The following MYO7B variants were observed in gnomAD, a reference collection of about 807,000 sequenced individuals.
MYO7B encodes the protein unconventional myosin-VIIb.
Under a neutral mutation model 259.7 loss-of-function variants are expected in MYO7B, and 212 were observed. The ratio of observed to expected loss-of-function variants is 0.82; its 90% confidence interval spans 0.73 to 0.91. The LOEUF is 0.91. Among genes scored for constraint, MYO7B ranks in the 40% least tolerant of loss-of-function variants. The pLI is 0.00. For synonymous variants in MYO7B, 1,197 were observed against 1,166.4 expected, an observed-to-expected ratio of 1.03 and a Z score of -0.54; for missense variants, 2,732 against 2,813.5, an observed-to-expected ratio of 0.97 and a Z score of 0.66.
At position 127,607,199 on chromosome 2, in the gene MYO7B, T is replaced by A; in HGVS notation, c.2425-7T>A. 1 of 1,545,050 alleles carries A rather than the reference T, an allele frequency of 6.5e-7. No homozygotes were observed. The highest frequency in any genetic ancestry group is 1.2e-5 in the South Asian group (1 of 83,764). On this transcript the variant is annotated splice_polypyrimidine_tract_variant and splice_region_variant and intron_variant, in intron 20 of 47. Transcript: ENST00000409816. This position sits in a 1 kb window ranked among gnomAD's most constrained non-coding sequence, Gnocchi z 4.4. ...CCCCTGATCTCACCTCTCTCTTGCC[T>A]CCGCAGATCCTCGTGGGCTTTGAGC... is the stretch of plus-strand genomic sequence containing the variant.
In MYO7B at chr2:127,614,050, G is replaced by A. The variant is rs964199010; in HGVS notation, c.3398+1447G>A. Among the ~76,000 whole-genome samples, 1 of 152,168 alleles carries A rather than the reference G, an allele frequency of 6.6e-6. No individual in the cohort carries two copies. The highest frequency in any genetic ancestry group is 2.4e-5 in the African/African-American group (1 of 41,438). ...TTTAGCTGCCTGCATGACACTAGCT[G>A]GGCAAGTCTTCTGACTTAGCTGGTT... On this transcript the variant is annotated intron_variant, in intron 26 of 47. Coordinates refer to ENST00000409816, the MANE Select transcript of MYO7B (RefSeq NM_001393586.1). The surrounding 1 kb of genome is among the most constrained non-coding windows in gnomAD (Gnocchi z 4.6).
chr2:127,609,495 AAT>A lies in MYO7B; in HGVS notation c.2815-10_2815-9del. On this transcript the variant is annotated splice_polypyrimidine_tract_variant and intron_variant, in intron 22 of 47. Transcript: ENST00000409816. The surrounding 1 kb of genome is among the most constrained non-coding windows in gnomAD (Gnocchi z 6.9). ...GCCCTGCTGACCCGTGTTCTCCCTC[AAT>A]GGCCGTAGGATCTGGAATCGAAGAC... is the stretch of plus-strand genomic sequence containing the variant. The A allele has an allele frequency of 6.2e-7, 1 of 1,606,082 alleles. No individual in the cohort carries two copies. The highest frequency in any genetic ancestry group is 8.5e-7 in the Non-Finnish European group (1 of 1,176,134).
intron 16 of MYO7B, 134 bp from the exon 17 acceptor site, chr2:127,592,660 T>C (rs553182887): frequency 2.1e-5 from 20 of 965,804 alleles, no homozygotes; most frequent in Non-Finnish European, 2.8e-5. Flanking sequence ...TGGAGGACAG[T>C]GGGGGTGGGC....
At position 127,612,533 on chromosome 2, in the gene MYO7B, G is replaced by T. The variant is rs1291392968; in HGVS notation, c.3328G>T (p.Asp1110Tyr). The T allele has an allele frequency of 1.3e-6, 2 of 1,585,616 alleles. No homozygotes were observed. Among genetic ancestry groups the T allele is most frequent in the African/African-American group, 2.7e-5 (2 of 74,300 alleles). The change falls in exon 26 of 48, where the codon GAC becomes TAC. Residue 1110 changes from aspartate (D) to tyrosine (Y), a missense_variant. Asp to Tyr is a radical substitution (Grantham distance 160). Transcript: ENST00000409816. ...ATTGGAGCCTGATGGCCTTGGTGCA[G>T]ACCGGCCCATGTCCAACCTGGAGAA... is the stretch of plus-strand genomic sequence containing the variant. ...EALEPDGLGA[D>Y]RPMSNLEKVH...
Position 127,596,469 on chromosome 2 carries a change from A to G in MYO7B, c.2252A>G (p.Gln751Arg). 1.2e-6 allele frequency: 2 copies of G among 1,613,154 alleles called. No individual in the cohort carries two copies. The highest frequency in any genetic ancestry group is 1.1e-5 in the South Asian group (1 of 90,832). Residue 751 changes from glutamine to arginine, a missense_variant, in exon 19 of 48, where the codon CAG (glutamine) becomes CGG (arginine). Gln to Arg is a conservative substitution (Grantham distance 43, BLOSUM62 1). This residue lies in a region of MYO7B where 1,906 missense variants were observed against 2,026.4 expected (regional missense o/e 0.94). Coordinates refer to ENST00000409816, the MANE Select transcript of MYO7B (RefSeq NM_001393586.1). ...GCGTCTCTCCTGTTCCAGGATCATC[A>G]GGACACTCTGCTGGAGGTACAGAGA... The part of the protein sequence containing the change: ...GKTKIFLRDH[Q>R]DTLLEVQRSQ...
In MYO7B at chr2:127,539,508, C is replaced by G. The variant is rs968692446; in HGVS notation, c.-24+3677C>G. Among the ~76,000 whole-genome samples the G allele has an allele frequency of 1.3e-5, 2 of 152,102 alleles. No homozygotes were observed. On this transcript the variant is annotated intron_variant, in intron 1 of 47. Coordinates refer to ENST00000409816, the MANE Select transcript of MYO7B (RefSeq NM_001393586.1). This position sits in a 1 kb window ranked among gnomAD's most constrained non-coding sequence, Gnocchi z 4.0. The stretch of plus-strand genomic sequence containing the variant: ...AGGGAGAAAACGACATTGGCTATAA[C>G]AGGAAATTCAGGAGAGTTTTTAAAG...
rs183924677 is a variant in MYO7B, at chr2:127,560,728, A to G, written c.18+988A>G. Among the ~76,000 whole-genome samples, 8 of 152,304 alleles carry G rather than the reference A, an allele frequency of 5.3e-5. No homozygotes were observed. The East Asian group carries it at 1.5e-3, about 30-fold the overall frequency. On this transcript the variant is annotated intron_variant, in intron 2 of 47. Coordinates refer to ENST00000409816, the MANE Select transcript of MYO7B (RefSeq NM_001393586.1). The stretch of plus-strand genomic sequence containing the variant: ...TTTCCACCCTTGCCCCATGCCCTAC[A>G]GAGTCCAGGAGAGCAGGACAGTGCT...
rs1681566375 is a variant in MYO7B at position 127,632,318 on chromosome 2, G to T, written c.5322G>T (p.Leu1774=). 6.2e-7 allele frequency: 1 copy of T among 1,609,350 alleles called. No homozygotes were observed. Among genetic ancestry groups the T allele is most frequent in the Non-Finnish European group, 8.5e-7 (1 of 1,178,652 alleles). The change falls in exon 39 of 48, where the codon CTG becomes CTT. Residue 1774 remains leucine (L), a synonymous_variant. Coordinates refer to ENST00000409816, the MANE Select transcript of MYO7B (RefSeq NM_001393586.1). ...TCTTCCCGCCCAGCAAGGGGCTGCT[G>T]CCCCATGCCCAGAAGTTTATAGACA... ...TGLFPPSKGL[L]PHAQKFIDTR... is the part of the protein sequence containing the mutation.
At position 127,572,613 on chromosome 2, in the gene MYO7B, G is replaced by T. The variant is rs1364005910; in HGVS notation, c.593-1307G>T. Among the ~76,000 whole-genome samples, 9 of 135,826 alleles carry T rather than the reference G, an allele frequency of 6.6e-5. No individual in the cohort carries two copies. In the East Asian group the frequency reaches 2.0e-3, roughly 30 times the overall value. 89.1% of individuals were successfully genotyped at this position (135,826 alleles called of 152,430 possible). On this transcript the variant is annotated intron_variant, in intron 6 of 47. Transcript: ENST00000409816. ...CCTTTCTTTTTCTCCTTCTCTCTTT[G>T]TTTGTTTTGCATGTTGATACTCTAT...
intron 10 of MYO7B, among the ~76,000 whole-genome samples, chr2:127,581,419 GAAAT>G (rs1459898016): frequency 6.6e-6 from 1 of 152,190 alleles, no homozygotes; most frequent in Non-Finnish European, 1.5e-5. Context: ...TCAGGAGCAA[GAAAT>G]AAATACATAA....
chr2:127,636,683 A>G lies in MYO7B; in HGVS notation c.6207+55A>G, dbSNP rs536438279. 49 of 1,607,288 alleles carry G rather than the reference A, an allele frequency of 3.0e-5. No homozygotes were observed. In the East Asian group the frequency reaches 1.0e-3, roughly 34 times the overall value. ...GGCCACCAGGTCCAGGGACCTGTGC[A>G]GGTGGGGCTGCAGTCATCTCTGCGG... On this transcript the variant is annotated intron_variant, in intron 46 of 47. Coordinates refer to ENST00000409816, the MANE Select transcript of MYO7B (RefSeq NM_001393586.1). This position sits in a 1 kb window ranked among gnomAD's most constrained non-coding sequence, Gnocchi z 4.5.
rs373904437 is a variant in MYO7B, at chr2:127,631,679, G to A, written c.5175G>A (p.Leu1725=). ...AGCTCACCGACCAGATCTTCACACTGGCCCTGCAGCACCCGGCCCTCCAGG... is the reference window on the plus strand; with the variant it reads ...AGCTCACCGACCAGATCTTCACACTAGCCCTGCAGCACCCGGCCCTCCAGG... ...TLELTDQIFT[L]ALQHPALQDE... The change falls in exon 38 of 48, where the codon CTG becomes CTA. Residue 1725 remains leucine, a synonymous_variant. Coordinates refer to ENST00000409816, the MANE Select transcript of MYO7B (RefSeq NM_001393586.1). The A allele has an allele frequency of 2.7e-4, 439 of 1,613,044 alleles. No homozygotes were observed. The highest frequency in any genetic ancestry group is 9.9e-4 in the Middle Eastern group (6 of 6,060).
intron 41 of MYO7B, 126 bp downstream of exon 41, chr2:127,634,415 G>C (rs1458508781): frequency 1.1e-6 from 1 of 921,106 alleles, no homozygotes; most frequent in Non-Finnish European, 1.7e-6. Flanking sequence ...GGCCAGGGCT[G>C]CTGGGACAGA....
Position 127,590,331 on chromosome 2 carries a change from G to A in MYO7B, c.1992+102G>A. Reference sequence around the variant, plus strand: ...CTCTGCCAGGGCCTGGCTAGCGTTAGAGCTGTTACTGCCCCTACCTTACAG... The same window carrying A: ...CTCTGCCAGGGCCTGGCTAGCGTTAAAGCTGTTACTGCCCCTACCTTACAG... On this transcript the variant is annotated intron_variant, in intron 16 of 47. Transcript: ENST00000409816. The surrounding 1 kb of genome is among the most constrained non-coding windows in gnomAD (Gnocchi z 4.6). 6.6e-7 allele frequency: 1 copy of A among 1,511,488 alleles called. No individual in the cohort carries two copies. Among genetic ancestry groups the A allele is most frequent in the African/African-American group, 1.4e-5 (1 of 72,862 alleles). 93.6% of individuals were successfully genotyped at this position (1,511,488 alleles called of 1,614,324 possible). A position where few individuals can be genotyped will look rare whatever the true frequency, so the allele number is the denominator to read the frequency against.
chr2:127,636,204 CCA>C lies in MYO7B; in HGVS notation c.6007-3_6007-2del, dbSNP rs1681796186. On this transcript the variant is annotated splice_acceptor_variant and splice_polypyrimidine_tract_variant and intron_variant, in intron 44 of 47. Coordinates refer to ENST00000409816, the MANE Select transcript of MYO7B (RefSeq NM_001393586.1). LOFTEE classifies it high-confidence loss of function. The surrounding 1 kb of genome is among the most constrained non-coding windows in gnomAD (Gnocchi z 4.5). ...AAGTCCTTACTGGCCCTCCTGTCCC[CCA>C]GAGCATCCTTCTAGCCTATGACAAG... The C allele has an allele frequency of 1.2e-6, 2 of 1,609,826 alleles. No homozygotes were observed. The highest frequency in any genetic ancestry group is 1.3e-5 in the African/African-American group (1 of 74,838).
chr2:127,573,451 C>G (rs1678730927), intron 6 of MYO7B, among the ~76,000 whole-genome samples: 1 of 152,230 alleles, frequency 6.6e-6, no homozygotes, highest in South Asian at 2.1e-4. Flanking sequence ...GCTGTTGGCA[C>G]TCCCCATGCC....
rs1422000911 is a variant in MYO7B, at chr2:127,584,760, G to T, written c.1555-18G>T. Reference sequence around the variant, plus strand: ...GGACTCTGGGACCTCAGCCCACAGGGTGTCTGGGTTCTTCCAGGGGACAGA... The same window carrying T: ...GGACTCTGGGACCTCAGCCCACAGGTTGTCTGGGTTCTTCCAGGGGACAGA... On this transcript the variant is annotated intron_variant, in intron 13 of 47. Coordinates refer to ENST00000409816, the MANE Select transcript of MYO7B (RefSeq NM_001393586.1). The surrounding 1 kb of genome is among the most constrained non-coding windows in gnomAD (Gnocchi z 5.8). The T allele has an allele frequency of 2.5e-6, 4 of 1,613,350 alleles. No homozygotes were observed. In the African/African-American group the frequency reaches 4.0e-5, roughly 16 times the overall value.
At position 127,625,406 on chromosome 2, in the gene MYO7B, C is replaced by T. The variant is rs1261955319; in HGVS notation, c.4086C>T (p.Tyr1362=). The T allele has an allele frequency of 8.1e-6, 13 of 1,606,418 alleles. No individual in the cohort carries two copies. The highest frequency in any genetic ancestry group is 2.2e-5 in the South Asian group (2 of 89,736). The change falls in exon 31 of 48, where the codon TAC becomes TAT. Residue 1362 remains tyrosine (Y), a synonymous_variant. Coordinates refer to ENST00000409816, the MANE Select transcript of MYO7B (RefSeq NM_001393586.1). The stretch of plus-strand genomic sequence containing the variant: ...TTGAGCTGCTGGCCCGGCACTGCTA[C>T]GTGCAGCTCGGCGCCTCAGCAGAGA... ...ELVELLARHC[Y]VQLGASAESK...
chr2:127,633,015 C>T (rs1328526910), intron 39 of MYO7B, among the ~76,000 whole-genome samples: 1 of 152,224 alleles, frequency 6.6e-6, no homozygotes, highest in East Asian at 1.9e-4. Context: ...CCCGGGAGCC[C>T]CTGGCCTGGC....
Sources: allele counts gnomAD v4.1 joint callset (sites outside exome capture counted in the v4.1 genomes callset), GRCh38; gene constraint gnomAD v4.1.1; regional missense constraint gnomAD v4.1.1; non-coding constraint Gnocchi (gnomAD v3.1); transcripts MANE v1.5; gene names NCBI Gene and HGNC (gene_info 2026-07-23, HGNC 2026-07-21).